Variants in SGK3 observed in about 807,000 individuals in gnomAD.
SGK3 encodes serum/glucocorticoid regulated kinase family member 3.
In SGK3, 47 loss-of-function variants were observed where a neutral mutation model predicts 68.5. The observed-to-expected ratio is 0.69, with a 90% CI of 0.54 to 0.87. The LOEUF is 0.87. Ranked by LOEUF, SGK3 falls within the 40% of genes least tolerant of loss-of-function variation. The probability of loss-of-function intolerance (pLI) is 0.00; values close to 1 mark genes in which losing one functional copy is unlikely to be tolerated. For missense variants in SGK3, 479 were observed against 575.5 expected (o/e 0.83, Z 1.72); for synonymous variants, 181 against 189.1 (o/e 0.96, Z 0.35).
intron 5 of SGK3, among the ~76,000 whole-genome samples, chr8:66,819,619 T>G (rs1236434067): frequency 6.6e-6 from 1 of 152,204 alleles, no homozygotes; most frequent in Non-Finnish European, 1.5e-5. Context: ...TATTGTGATC[T>G]TAAATGTGCA....
At chr8:66,857,188 A>ATACG (rs561865348) in intron 16 of SGK3, among the ~76,000 whole-genome samples, 127 of 152,304 alleles carry the variant, frequency 8.3e-4, no homozygotes, top group Middle Eastern at 6.8e-3. Flanking sequence ...AAAACCATAC[A>ATACG]TACGTACATA....
intron 1 of SGK3, among the ~76,000 whole-genome samples, chr8:66,713,634 C>T (rs1044874992): frequency 2.0e-5 from 3 of 152,222 alleles, no homozygotes; most frequent in African/African-American, 7.2e-5. Context: ...CAGATTGAGA[C>T]TTCACCCAGC....
chr8:66,766,911 G>A (rs755498027), intron 1 of SGK3, among the ~76,000 whole-genome samples: 2 of 152,144 alleles, frequency 1.3e-5, no homozygotes, highest in Non-Finnish European at 2.9e-5. Flanking sequence ...GAGTGCAGTG[G>A]CGCGATCTCC....
At chr8:66,814,020 A>G (rs552763108) in intron 5 of SGK3, 92 bp downstream of exon 5, 387 of 1,046,106 alleles carry the variant, frequency 3.7e-4, no homozygotes, top group Non-Finnish European at 4.8e-4. Flanking sequence ...GTTCTATGAA[A>G]TGTTACTGTG....
intron 1 of SGK3, among the ~76,000 whole-genome samples, chr8:66,741,736 T>A (rs74526350): frequency 3.7e-4 from 56 of 152,114 alleles, no homozygotes; most frequent in African/African-American, 1.3e-3. Flanking sequence ...AAAAAGAAAA[T>A]TATATGTTGG....
rs549359816 is a variant in SGK3 at position 66,717,210 on chromosome 8, AAAAAAAAAC to A, written c.-122+4404_-122+4412del. Among the ~76,000 whole-genome samples, 823 of 139,798 alleles carry A rather than the reference AAAAAAAAAC, an allele frequency of 5.9e-3. 5 individuals carry two copies. Among genetic ancestry groups the A allele is most frequent in the Middle Eastern group, 0.01 (3 of 286 alleles). 91.7% of individuals were successfully genotyped at this position (139,798 alleles called of 152,430 possible). ...ACAAGAGTGAAACTCTTTATCTGAA[AAAAAAAAAC>A]AAAAAAAACAAAAAAAACAAAAAAA... On this transcript the variant is annotated intron_variant, in intron 1 of 16. Coordinates refer to ENST00000521198, the MANE Select transcript of SGK3 (RefSeq NM_001033578.3).
At chr8:66,819,815 G>GT (rs1008344495) in intron 5 of SGK3, among the ~76,000 whole-genome samples, 1 of 149,488 alleles carries the variant, frequency 6.7e-6, no homozygotes, top group Non-Finnish European at 1.5e-5. Flanking sequence ...TTTGTTTTTT[G>GT]TTTTTTGGTT....
intron 3 of SGK3, among the ~76,000 whole-genome samples, chr8:66,801,056 T>C (rs913633758): frequency 1.3e-5 from 2 of 152,258 alleles, no homozygotes; most frequent in African/African-American, 4.8e-5. Flanking sequence ...TCTTTAGCTT[T>C]TCTTTAATGC....
At chr8:66,730,982 T>A (rs975813070) in intron 1 of SGK3, among the ~76,000 whole-genome samples, 3 of 152,078 alleles carry the variant, frequency 2.0e-5, no homozygotes, top group African/African-American at 7.2e-5. Flanking sequence ...CCACCACACC[T>A]GGCCAAAAGT....
chr8:66,833,250 C>T (rs1809375320), intron 8 of SGK3, among the ~76,000 whole-genome samples: 1 of 152,198 alleles, frequency 6.6e-6, no homozygotes, highest in Non-Finnish European at 1.5e-5. Context: ...AAGTGATCTG[C>T]CTGCCTCGGC....
At chr8:66,713,387 T>G (rs1224290849) in intron 1 of SGK3, among the ~76,000 whole-genome samples, 1 of 152,216 alleles carries the variant, frequency 6.6e-6, no homozygotes, top group African/African-American at 2.4e-5. Context: ...GATTCTGTCA[T>G]TTTTAGTCAT....
At position 66,798,604 on chromosome 8, in the gene SGK3, G is replaced by C. The variant is rs745404100; in HGVS notation, c.159G>C (p.Glu53Asp). The change falls in exon 3 of 17, where the codon GAG (glutamate) becomes GAC (aspartate). Residue 53 changes from glutamate to aspartate, a missense_variant. Transcript: ENST00000521198. ...GGTTTGTCTTCAGGAGATATGCAGAGTTTGATAAACTTTATAACACTGTAA... is the reference window on the plus strand; with the variant it reads ...GGTTTGTCTTCAGGAGATATGCAGACTTTGATAAACTTTATAACACTGTAA... Reference protein sequence around the residue: ...SEWFVFRRYAEFDKLYNTLKK... With the variant: ...SEWFVFRRYADFDKLYNTLKK... 6.2e-6 allele frequency: 10 copies of C among 1,610,594 alleles called. No homozygotes were observed. In the Admixed American group the frequency reaches 1.7e-4, roughly 27 times the overall value.
intron 13 of SGK3, 68 bp downstream of exon 13, chr8:66,841,178 A>G (rs1809784166): frequency 8.1e-7 from 1 of 1,238,752 alleles, no homozygotes; most frequent in Non-Finnish European, 1.1e-6. Flanking sequence ...TACAGATTGC[A>G]TATATAAATT....
At chr8:66,831,098 A>G (rs527592688) in intron 7 of SGK3, among the ~76,000 whole-genome samples, 156 bp from the exon 8 acceptor site, 2 of 152,342 alleles carry the variant, frequency 1.3e-5, no homozygotes, top group East Asian at 1.9e-4. Flanking sequence ...CCTACTGTGC[A>G]TGAAAGATGA....
chr8:66,734,270 G>A lies in SGK3; in HGVS notation c.-122+21437G>A, dbSNP rs548897149. 3.8e-5 allele frequency among the ~76,000 whole-genome samples: 5 copies of A among 133,326 alleles called. No homozygotes were observed. In the South Asian group the frequency reaches 7.2e-4, roughly 19 times the overall value. 87.5% of individuals were successfully genotyped at this position (133,326 alleles called of 152,430 possible). On this transcript the variant is annotated intron_variant, in intron 1 of 16. Coordinates refer to ENST00000521198, the MANE Select transcript of SGK3 (RefSeq NM_001033578.3). ...TTTTTACCATTTTGAAATGATGTAT[G>A]GTGTGATTGTTAGAGATGGATCAGC...
chr8:66,828,422 C>A (rs1353186228), intron 6 of SGK3, among the ~76,000 whole-genome samples: 1 of 152,166 alleles, frequency 6.6e-6, no homozygotes, highest in Non-Finnish European at 1.5e-5. Flanking sequence ...TTCTGGCTTA[C>A]CTTTTTTCTT....
At chr8:66,756,508 C>T (rs1190692238) in intron 1 of SGK3, among the ~76,000 whole-genome samples, 1 of 148,862 alleles carries the variant, frequency 6.7e-6, no homozygotes, top group Admixed American at 6.7e-5. Flanking sequence ...ACCCCAAATC[C>T]TTTTAAGTTA....
chr8:66,817,123 A>G (rs908143919), intron 5 of SGK3, among the ~76,000 whole-genome samples: 1 of 152,050 alleles, frequency 6.6e-6, no homozygotes, highest in African/African-American at 2.4e-5. Flanking sequence ...CCCAGCAGGA[A>G]ATGTGCTTTT....
At chr8:66,773,416 G>A (rs1051181364) in intron 1 of SGK3, among the ~76,000 whole-genome samples, 1 of 152,128 alleles carries the variant, frequency 6.6e-6, no homozygotes, top group African/African-American at 2.4e-5. Context: ...CTTATCCAAG[G>A]GGATACCTTC....
Sources: allele counts gnomAD v4.1 joint callset (sites outside exome capture counted in the v4.1 genomes callset), GRCh38; gene constraint gnomAD v4.1.1; transcripts MANE v1.5; gene names NCBI Gene and HGNC (gene_info 2026-07-23, HGNC 2026-07-21).